The following DLL3 variants were observed in gnomAD, a reference collection of about 807,000 sequenced individuals.
The protein encoded by DLL3 is delta-like protein 3.
A neutral mutation model predicts 55.0 loss-of-function variants in DLL3; 49 were observed. The observed-to-expected ratio is 0.89, with a 90% CI of 0.71 to 1.13. The LOEUF (loss-of-function observed/expected upper bound fraction) is 1.13. Among genes scored for constraint, DLL3 ranks in the 50% most tolerant of loss-of-function variants. The pLI, the probability that DLL3 is intolerant of heterozygous loss-of-function variation, is 0.00. For missense variants in DLL3, 962 were observed against 875.5 expected, an observed-to-expected ratio of 1.10 and a Z score of -1.25; for synonymous variants, 421 against 385.2, an observed-to-expected ratio of 1.09 and a Z score of -1.09.
At position 39,502,945 on chromosome 19, in the gene DLL3, G is replaced by C. The variant is rs1166202008; in HGVS notation, c.540G>C (p.Pro180=). 6.9e-7 allele frequency: 1 copy of C among 1,443,486 alleles called. No individual in the cohort carries two copies. The highest frequency in any genetic ancestry group is 1.4e-5 in the South Asian group (1 of 73,130). 89.4% of individuals were successfully genotyped at this position (1,443,486 alleles called of 1,614,324 possible). Residue 180 remains proline, a synonymous_variant, in exon 4 of 9, where the codon CCG becomes CCC. Coordinates refer to ENST00000356433, the MANE Select transcript of DLL3 (RefSeq NM_203486.3). Reference sequence around the variant, plus strand: ...TCTCGTACCGCGCGCGCTGCGAGCCGCCTGCCGTCGGGACCGCGTGCACGC... The same window carrying C: ...TCTCGTACCGCGCGCGCTGCGAGCCCCCTGCCGTCGGGACCGCGTGCACGC... ...LRFSYRARCE[P]PAVGTACTRL...
Position 39,507,333 on chromosome 19 carries a change from G to T in DLL3, c.1388G>T (p.Arg463Leu), listed in dbSNP as rs758148689. Reference sequence around the variant, plus strand: ...TGCGCTCCCGGCTACATGGGAGCGCGGTGTGAGTTCCCAGTGCACCCCGAC... The same window carrying T: ...TGCGCTCCCGGCTACATGGGAGCGCTGTGTGAGTTCCCAGTGCACCCCGAC... ...CACAPGYMGA[R>L]CEFPVHPDGA... is the part of the protein sequence containing the mutation. Residue 463 changes from arginine to leucine, a missense_variant, in exon 7 of 9, where the codon CGG (arginine) becomes CTG (leucine). Transcript: ENST00000356433. The T allele has an allele frequency of 4.7e-4, 744 of 1,569,340 alleles. 8 individuals are homozygous for T. Among genetic ancestry groups the T allele is most frequent in the Non-Finnish European group, 6.5e-5 (76 of 1,165,300 alleles).
At position 39,507,260 on chromosome 19, in the gene DLL3, G is replaced by A. The variant is rs1372730837; in HGVS notation, c.1315G>A (p.Ala439Thr). 2 of 1,528,846 alleles carry A rather than the reference G, an allele frequency of 1.3e-6. No individual in the cohort carries two copies. Among genetic ancestry groups the A allele is most frequent in the Non-Finnish European group, 1.7e-6 (2 of 1,144,162 alleles). The allele number at this position is 1,528,846 out of a possible 1,614,324, so 94.7% of individuals were successfully genotyped here. A position where few individuals can be genotyped will look rare whatever the true frequency, so the allele number is the denominator to read the frequency against. The change falls in exon 7 of 9, where the codon GCT (alanine) becomes ACT (threonine). Residue 439 changes from alanine to threonine, a missense_variant. Physicochemically the swap from Ala to Thr is moderately conservative, Grantham distance 58. Coordinates refer to ENST00000356433, the MANE Select transcript of DLL3 (RefSeq NM_203486.3). ...RADPCAARPCAHGGRCYAHFS... is the reference protein window; with the variant it reads ...RADPCAARPCTHGGRCYAHFS... The stretch of plus-strand genomic sequence containing the variant: ...GGACCCGTGCGCCGCGCGCCCCTGT[G>A]CTCACGGCGGCCGCTGCTACGCCCA...
chr19:39,500,999 G>GT (rs368983321), intron 3 of DLL3, among the ~76,000 whole-genome samples: 41,860 of 147,632 alleles, frequency 0.28, 6,186 homozygotes, highest in Middle Eastern at 0.42. Context: ...TTTATGTGAA[G>GT]TTTTTTTTTT....
At chr19:39,499,093 G>A (rs1218684830) in intron 1 of DLL3, 50 bp downstream of exon 1, 1 of 1,613,758 alleles carries the variant, frequency 6.2e-7, no homozygotes, top group Admixed American at 1.7e-5. Flanking sequence ...GCGGAGGGGA[G>A]GGGTGAGTGC....
intron 3 of DLL3, among the ~76,000 whole-genome samples, chr19:39,501,893 A>G (rs528332876): frequency 6.6e-6 from 1 of 152,084 alleles, no homozygotes; most frequent in Non-Finnish European, 1.5e-5. Flanking sequence ...ATTTACAAAG[A>G]TCTGGGTCAA....
intron 3 of DLL3, 64 bp from the exon 4 acceptor site, chr19:39,502,751 G>T (rs2079616456): frequency 1.5e-6 from 2 of 1,294,986 alleles, no homozygotes; most frequent in Non-Finnish European, 2.0e-6. Flanking sequence ...CGGCCGGGGC[G>T]CTCCGTATGC....
chr19:39,505,670 C>G (rs2079636530), intron 6 of DLL3: 1 of 573,202 alleles, frequency 1.7e-6, no homozygotes, highest in Admixed American at 3.0e-5. Flanking sequence ...ATTCTAGGCA[C>G]TGAGGATACA....
At chr19:39,500,785 C>T in intron 3 of DLL3, 113 bp downstream of exon 3, 3 of 953,110 alleles carry the variant, frequency 3.1e-6, no homozygotes, top group Non-Finnish European at 3.4e-6. Flanking sequence ...GGATGTGGTG[C>T]TGAGTGTTGA....
chr19:39,504,407 G>A, intron 5 of DLL3, 119 bp downstream of exon 5: 7 of 1,171,738 alleles, frequency 6.0e-6, no homozygotes, highest in African/African-American at 1.5e-5. Context: ...AACTATCAGG[G>A]AGGTCTTCCT....
intron 6 of DLL3, among the ~76,000 whole-genome samples, chr19:39,506,384 A>G: frequency 6.6e-6 from 1 of 151,244 alleles, no homozygotes; most frequent in East Asian, 1.9e-4. Context: ...AAAAAAAAAA[A>G]GATCATGAAT....
rs1166202008 is a variant in DLL3, at chr19:39,502,945, G to A, written c.540G>A (p.Pro180=). The A allele has an allele frequency of 6.9e-7, 1 of 1,443,482 alleles. No individual in the cohort carries two copies. Among genetic ancestry groups the A allele is most frequent in the Non-Finnish European group, 9.1e-7 (1 of 1,104,598 alleles). 89.4% of individuals were successfully genotyped at this position (1,443,482 alleles called of 1,614,324 possible). The change falls in exon 4 of 9, where the codon CCG becomes CCA. Residue 180 remains proline, a synonymous_variant. Coordinates refer to ENST00000356433, the MANE Select transcript of DLL3 (RefSeq NM_203486.3). The part of the protein sequence containing the change: ...LRFSYRARCE[P]PAVGTACTRL... The stretch of plus-strand genomic sequence containing the variant: ...TCTCGTACCGCGCGCGCTGCGAGCC[G>A]CCTGCCGTCGGGACCGCGTGCACGC...
At chr19:39,503,203 C>G in intron 4 of DLL3, 146 bp downstream of exon 4, 2 of 880,012 alleles carry the variant, frequency 2.3e-6, no homozygotes, top group Non-Finnish European at 3.2e-6. Context: ...CCAGGCACCC[C>G]TCTTCAGGGA....
intron 5 of DLL3, 91 bp downstream of exon 5, chr19:39,504,379 GGGA>G: frequency 2.1e-6 from 3 of 1,412,952 alleles, no homozygotes; most frequent in South Asian, 2.3e-5. Context: ...CACCAGCCTG[GGGA>G]GGAGATCTGG....
intron 2 of DLL3, 80 bp downstream of exon 2, chr19:39,499,553 C>T: frequency 6.6e-7 from 1 of 1,520,508 alleles, no homozygotes; most frequent in Non-Finnish European, 8.8e-7. Flanking sequence ...TCCCCTCCAG[C>T]TTCCAAGACC....
At chr19:39,500,448 A>T (rs1219290039) in intron 2 of DLL3, among the ~76,000 whole-genome samples, 167 bp from the exon 3 acceptor site, 1 of 134,010 alleles carries the variant, frequency 7.5e-6, no homozygotes, top group Non-Finnish European at 1.6e-5. Context: ...AAAGCCACAG[A>T]TGTCATTCCC....
chr19:39,507,180 C>A lies in DLL3; in HGVS notation c.1235C>A (p.Ala412Glu). 1 of 1,348,648 alleles carries A rather than the reference C, an allele frequency of 7.4e-7. No homozygotes were observed. The highest frequency in any genetic ancestry group is 9.4e-7 in the Non-Finnish European group (1 of 1,059,232). The allele number at this position is 1,348,648 out of a possible 1,614,324, so 83.5% of individuals were successfully genotyped here. Reference sequence around the variant, plus strand: ...GGCACGTGTGTGGAGGGCGGCGGCGCGCACCGCTGCTCCTGCGCGCTGGGC... The same window carrying A: ...GGCACGTGTGTGGAGGGCGGCGGCGAGCACCGCTGCTCCTGCGCGCTGGGC... ...NGGTCVEGGG[A>E]HRCSCALGFG... Residue 412 changes from alanine to glutamate, a missense_variant, in exon 7 of 9, where the codon GCG becomes GAG. Coordinates refer to ENST00000356433, the MANE Select transcript of DLL3 (RefSeq NM_203486.3).
intron 5 of DLL3, among the ~76,000 whole-genome samples, 189 bp from the exon 6 acceptor site, chr19:39,505,040 G>A (rs1054422643): frequency 7.2e-5 from 11 of 152,106 alleles, no homozygotes; most frequent in African/African-American, 2.4e-4. Flanking sequence ...TCCTCCCTCT[G>A]GGGTCACATG....
chr19:39,508,184 A>G, intron 8 of DLL3, 68 bp from the exon 9 acceptor site: 2 of 1,614,016 alleles, frequency 1.2e-6, no homozygotes, highest in South Asian at 1.1e-5. Flanking sequence ...CACTGATTGT[A>G]CTCAGCGGGG....
Position 39,507,323 on chromosome 19 carries a change from A to T in DLL3, c.1378A>T (p.Met460Leu), listed in dbSNP as rs766274162. 5.9e-5 allele frequency: 92 copies of T among 1,566,208 alleles called. 1 individual carries two copies. In the South Asian group the frequency reaches 9.9e-4, roughly 17 times the overall value. The change falls in exon 7 of 9, where the codon ATG becomes TTG. Residue 460 changes from methionine (M) to leucine (L), a missense_variant. Physicochemically the swap from Met to Leu is conservative, Grantham distance 15. Transcript: ENST00000356433. ...GLVCACAPGY[M>L]GARCEFPVHP... ...CGTCTGCGCTTGCGCTCCCGGCTAC[A>T]TGGGAGCGCGGTGTGAGTTCCCAGT...
Sources: gnomAD v4.1 joint callset for allele counts (sites outside exome capture counted in the v4.1 genomes callset) on GRCh38, gnomAD v4.1.1 for gene constraint, MANE v1.5 for transcripts, NCBI Gene and HGNC (gene_info 2026-07-23, HGNC 2026-07-21) for gene names.